Variants in SPOCK1 observed in about 807,000 individuals in gnomAD.
The protein encoded by SPOCK1 is SPARC (osteonectin), cwcv and kazal like domains proteoglycan 1.
A neutral mutation model predicts 55.3 loss-of-function variants in SPOCK1; 23 were observed. The ratio of observed to expected loss-of-function variants is 0.42; its 90% CI spans 0.30 to 0.59. SPOCK1 has a LOEUF of 0.59. SPOCK1 is among the 20% of genes least tolerant of loss of function. The pLI, the probability that SPOCK1 is intolerant of heterozygous loss-of-function variation, is 0.22. For synonymous variants in SPOCK1, 226 were observed against 221.0 expected, an observed-to-expected ratio of 1.02 and a Z score of -0.20; for missense variants, 499 against 552.5, an observed-to-expected ratio of 0.90 and a Z score of 0.97.
At chr5:137,487,693 A>G (rs190543542) in intron 2 of SPOCK1, among the ~76,000 whole-genome samples, 12 of 152,336 alleles carry the variant, frequency 7.9e-5, no homozygotes, top group Admixed American at 2.6e-4. Flanking sequence ...AAATATGCTG[A>G]GATGATCCCC....
At chr5:137,014,670 T>G (rs1751417311) in intron 6 of SPOCK1, among the ~76,000 whole-genome samples, 1 of 152,214 alleles carries the variant, frequency 6.6e-6, no homozygotes, top group Non-Finnish European at 1.5e-5. Context: ...TCAATATACC[T>G]GAGCTTATCA....
At chr5:137,162,722 C>T (rs1218110354) in intron 3 of SPOCK1, among the ~76,000 whole-genome samples, 1 of 152,100 alleles carries the variant, frequency 6.6e-6, no homozygotes, top group African/African-American at 2.4e-5. Flanking sequence ...CTTAGATACA[C>T]AAGATGTGCT....
chr5:137,401,099 G>C lies in SPOCK1; in HGVS notation c.186+97274C>G, dbSNP rs1751966648. Among the ~76,000 whole-genome samples, 3 of 152,094 alleles carry C rather than the reference G, an allele frequency of 2.0e-5. No individual in the cohort carries two copies. In the South Asian group the frequency reaches 6.2e-4, roughly 32 times the overall value. On this transcript the variant is annotated intron_variant, in intron 2 of 10. Transcript: ENST00000394945. ...GTACCAAATCCAACATACAACCAGAGGCGAGAAACCAGGGGTCATCCCTGA... is the reference window on the plus strand; with the variant it reads ...GTACCAAATCCAACATACAACCAGACGCGAGAAACCAGGGGTCATCCCTGA...
chr5:137,070,811 T>C (rs1752597220), intron 5 of SPOCK1, among the ~76,000 whole-genome samples: 1 of 152,140 alleles, frequency 6.6e-6, no homozygotes, highest in South Asian at 2.1e-4. Context: ...TCGGCTGGCC[T>C]GCAGCATCCC....
At chr5:137,243,798 C>T (rs1212985132) in intron 3 of SPOCK1, among the ~76,000 whole-genome samples, 1 of 152,112 alleles carries the variant, frequency 6.6e-6, no homozygotes, top group Non-Finnish European at 1.5e-5. Flanking sequence ...CTGCAGCCAC[C>T]AGAACTAATG....
chr5:137,139,852 A>G (rs1247561918), intron 4 of SPOCK1, among the ~76,000 whole-genome samples: 8 of 152,150 alleles, frequency 5.3e-5, no homozygotes, highest in Non-Finnish European at 1.5e-5. Context: ...TGCTTCAGGT[A>G]TTTTTGCAGG....
chr5:137,037,668 T>A (rs1451969308), intron 6 of SPOCK1, among the ~76,000 whole-genome samples: 1 of 152,168 alleles, frequency 6.6e-6, no homozygotes, highest in Non-Finnish European at 1.5e-5. Context: ...CAGATTTCTC[T>A]GGGGTGAGCT....
At chr5:137,076,079 GGTGGGACCATGCACAGCCTCA>G (rs1320569461) in intron 5 of SPOCK1, among the ~76,000 whole-genome samples, 1 of 152,208 alleles carries the variant, frequency 6.6e-6, no homozygotes, top group Non-Finnish European at 1.5e-5. Context: ...ACATCAGAGA[GGTGGGACCATGCACAGCCTCA>G]CCATGCAAGG....
intron 2 of SPOCK1, among the ~76,000 whole-genome samples, chr5:137,446,970 CAT>C (rs1376482141): frequency 2.0e-5 from 3 of 152,186 alleles, no homozygotes; most frequent in Admixed American, 6.5e-5. Context: ...CATGTTGTAA[CAT>C]GTGATAGAAT....
At chr5:137,467,093 C>T (rs1416235177) in intron 2 of SPOCK1, among the ~76,000 whole-genome samples, 1 of 152,248 alleles carries the variant, frequency 6.6e-6, no homozygotes, top group East Asian at 1.9e-4. Context: ...TGCCACATGG[C>T]CTAGGCCTCT....
At chr5:137,394,117 T>C (rs1751789414) in intron 2 of SPOCK1, among the ~76,000 whole-genome samples, 1 of 152,228 alleles carries the variant, frequency 6.6e-6, no homozygotes, top group African/African-American at 2.4e-5. Context: ...GAATCCTTGG[T>C]GTGCATTGTC....
rs187217994 is a variant in SPOCK1 at position 137,425,728 on chromosome 5, C to T, written c.186+72645G>A. On this transcript the variant is annotated intron_variant, in intron 2 of 10. Coordinates refer to ENST00000394945, the MANE Select transcript of SPOCK1 (RefSeq NM_004598.4). Reference sequence around the variant, plus strand: ...CAGCAAGCCACTAAATAGCATGGTGCATATTTTCTTGAGTGTCAATTTTAC... The same window carrying T: ...CAGCAAGCCACTAAATAGCATGGTGTATATTTTCTTGAGTGTCAATTTTAC... 1.1e-4 allele frequency among the ~76,000 whole-genome samples: 16 copies of T among 152,226 alleles called. No individual in the cohort carries two copies. The South Asian group carries it at 2.1e-3, about 20-fold the overall frequency.
chr5:137,331,444 C>T (rs1006411341), intron 2 of SPOCK1, among the ~76,000 whole-genome samples: 7 of 152,148 alleles, frequency 4.6e-5, no homozygotes, highest in Non-Finnish European at 8.8e-5. Context: ...AAAAGACCTG[C>T]GCATTGGGCC....
intron 6 of SPOCK1, among the ~76,000 whole-genome samples, chr5:137,018,050 C>G (rs1751485721): frequency 1.3e-5 from 2 of 152,230 alleles, no homozygotes; most frequent in African/African-American, 4.8e-5. Flanking sequence ...TCAACCAGGG[C>G]TAGTTTTGCC....
chr5:137,144,848 G>A lies in SPOCK1; in HGVS notation c.233-4154C>T, dbSNP rs373271408. 2.5e-4 allele frequency among the ~76,000 whole-genome samples: 38 copies of A among 152,320 alleles called. No homozygotes were observed. In the South Asian group the frequency reaches 5.0e-3, roughly 20 times the overall value. ...GCTGAGCGTGACAGCCCTGAGCAGA[G>A]TTCAAAGTTTCCTTGTCATGGTGCT... is the stretch of plus-strand genomic sequence containing the variant. On this transcript the variant is annotated intron_variant, in intron 3 of 10. Transcript: ENST00000394945.
At chr5:137,153,865 C>CAAA (rs59668593) in intron 3 of SPOCK1, among the ~76,000 whole-genome samples, 5 of 145,686 alleles carry the variant, frequency 3.4e-5, no homozygotes, top group African/African-American at 1.3e-4. Flanking sequence ...CTCAAAAAAA[C>CAAA]AAAAAAACAA....
chr5:137,125,438 T>A (rs1213353592), intron 4 of SPOCK1, among the ~76,000 whole-genome samples: 7 of 152,168 alleles, frequency 4.6e-5, no homozygotes, highest in Admixed American at 3.9e-4. Flanking sequence ...ATCAAAATCT[T>A]AACCTCTAAG....
At chr5:137,162,297 C>T (rs138704908) in intron 3 of SPOCK1, among the ~76,000 whole-genome samples, 299 of 151,990 alleles carry the variant, frequency 2.0e-3, no homozygotes, top group African/African-American at 6.9e-3. Context: ...ACCACCACGC[C>T]GGGCTAATTT....
At chr5:137,155,791 C>T (rs980584384) in intron 3 of SPOCK1, among the ~76,000 whole-genome samples, 2 of 152,210 alleles carry the variant, frequency 1.3e-5, no homozygotes, top group African/African-American at 4.8e-5. Context: ...CAAACAAAGG[C>T]TCTGTCTGGT....
Sources: gnomAD v4.1 joint callset for allele counts (sites outside exome capture counted in the v4.1 genomes callset) on GRCh38, gnomAD v4.1.1 for gene constraint, MANE v1.5 for transcripts, NCBI Gene and HGNC (gene_info 2026-07-23, HGNC 2026-07-21) for gene names.